The following AIF1L variants were observed in gnomAD, a reference collection of about 807,000 sequenced individuals.
AIF1L encodes the protein allograft inflammatory factor 1 like, also known as allograft inflammatory factor 1-like.
A neutral mutation model predicts 20.7 loss-of-function variants in AIF1L; 12 were observed. That is an observed-to-expected ratio of 0.58 (90% CI 0.37 to 0.94). The LOEUF (loss-of-function observed/expected upper bound fraction) is 0.94. Ranked by LOEUF, AIF1L falls within the 40% of genes least tolerant of loss-of-function variation. The pLI, the probability that AIF1L is intolerant of heterozygous loss-of-function variation, is 0.01. For synonymous variants in AIF1L, 76 were observed against 65.1 expected, an observed-to-expected ratio of 1.17 and a Z score of -0.81; for missense variants, 173 against 185.3, an observed-to-expected ratio of 0.93 and a Z score of 0.39.
At chr9:131,099,340 G>A (rs1284000772) in intron 2 of AIF1L, among the ~76,000 whole-genome samples, 1 of 152,228 alleles carries the variant, frequency 6.6e-6, no homozygotes, top group Non-Finnish European at 1.5e-5. Context: ...GGAAGTGGAT[G>A]GAAGCTCTTT....
At chr9:131,102,896 G>A (rs1270861425) in intron 2 of AIF1L, 1 of 456,194 alleles carries the variant, frequency 2.2e-6, no homozygotes, top group East Asian at 6.9e-5. Context: ...CTCCAAGATG[G>A]TGATATCCGC....
At chr9:131,111,894 G>A (rs955256820) in intron 3 of AIF1L, 11 of 556,024 alleles carry the variant, frequency 2.0e-5, no homozygotes, top group Admixed American at 9.5e-5. Context: ...CCTGCAGCCC[G>A]GTCCTGGCCC....
chr9:131,112,222 C>G (rs1050804584), intron 3 of AIF1L: 2 of 155,118 alleles, frequency 1.3e-5, no homozygotes, highest in Admixed American at 6.2e-5. Flanking sequence ...GCTTGGTTCC[C>G]AGCCAGCACC....
At chr9:131,117,166 G>A (rs1831033987) in intron 4 of AIF1L, among the ~76,000 whole-genome samples, 1 of 152,164 alleles carries the variant, frequency 6.6e-6, no homozygotes, top group African/African-American at 2.4e-5. Context: ...TGCTCTGTGG[G>A]ATATTTTTGG....
chr9:131,112,899 C>A (rs1440346451), intron 3 of AIF1L, among the ~76,000 whole-genome samples: 1 of 152,076 alleles, frequency 6.6e-6, no homozygotes, highest in African/African-American at 2.4e-5. Context: ...GCTCTGGCAC[C>A]CTTTCTACTT....
chr9:131,104,878 A>G (rs1218165898), intron 2 of AIF1L, among the ~76,000 whole-genome samples: 4 of 150,318 alleles, frequency 2.7e-5, no homozygotes, highest in Non-Finnish European at 4.4e-5. Context: ...AGCCTGGGCA[A>G]CAGAGCGAGA....
chr9:131,103,269 C>T (rs966263020), intron 2 of AIF1L, among the ~76,000 whole-genome samples: 5 of 152,172 alleles, frequency 3.3e-5, no homozygotes, highest in African/African-American at 4.8e-5. Flanking sequence ...CCAGGTCAGC[C>T]GGGGGCTGAG....
intron 2 of AIF1L, among the ~76,000 whole-genome samples, chr9:131,103,889 A>T (rs1195866307): frequency 6.6e-6 from 1 of 152,210 alleles, no homozygotes; most frequent in Non-Finnish European, 1.5e-5. Context: ...AGATGATGTG[A>T]CGTTTTCAAC....
chr9:131,096,960 C>A, intron 2 of AIF1L, 97 bp downstream of exon 2: 1 of 1,314,376 alleles, frequency 7.6e-7, no homozygotes, highest in Non-Finnish European at 1.0e-6. Context: ...TCCAGATCTA[C>A]CCTCTTCCTT....
At chr9:131,101,328 C>T (rs1830636275) in intron 2 of AIF1L, among the ~76,000 whole-genome samples, 1 of 152,044 alleles carries the variant, frequency 6.6e-6, no homozygotes, top group African/African-American at 2.4e-5. Context: ...TGCAGACAGC[C>T]CCATGGGATA....
At chr9:131,106,048 GCCTCAAGTGATCCTCCCTCCTCGGGCT>G in intron 2 of AIF1L, 4 of 914,450 alleles carry the variant, frequency 4.4e-6, no homozygotes, top group Non-Finnish European at 6.4e-6. Flanking sequence ...CAAACTTCTG[GCCTCAAGTGATCCTCCCTCCTCGGGCT>G]CCTCAACAGA....
rs1831153920 is a variant in AIF1L, at chr9:131,122,192, C to T, written c.*1870C>T. 1.3e-5 allele frequency: 2 copies of T among 152,500 alleles called. No homozygotes were observed. Among genetic ancestry groups the T allele is most frequent in the African/African-American group, 2.4e-5 (1 of 41,404 alleles). The allele number at this position is 152,500 out of a possible 1,614,324, so 9.4% of individuals were successfully genotyped here. ...CCTTAAGTGGACAGGACTGGGAGGTCTTGGTGGTTGGAGCCAACGTGGGTT... is the reference window on the plus strand; with the variant it reads ...CCTTAAGTGGACAGGACTGGGAGGTTTTGGTGGTTGGAGCCAACGTGGGTT... On this transcript the variant is annotated 3_prime_UTR_variant, in exon 6 of 6. Coordinates refer to ENST00000247291, the MANE Select transcript of AIF1L (RefSeq NM_031426.4).
chr9:131,118,478 GTGA>G (rs913035660), intron 5 of AIF1L, among the ~76,000 whole-genome samples: 26 of 151,874 alleles, frequency 1.7e-4, no homozygotes, highest in African/African-American at 6.0e-4. Flanking sequence ...AGTGGCAACT[GTGA>G]TGATGATGAT....
intron 3 of AIF1L, chr9:131,112,006 T>C (rs1830902056): frequency 3.4e-6 from 1 of 296,150 alleles, no homozygotes; most frequent in Admixed American, 4.7e-5. Context: ...ATCAGCTCTT[T>C]GTGAGCAAGC....
At chr9:131,112,878 C>T (rs1187806646) in intron 3 of AIF1L, among the ~76,000 whole-genome samples, 14 of 152,214 alleles carry the variant, frequency 9.2e-5, no homozygotes, top group South Asian at 4.1e-4. Context: ...GGAGGAGGCA[C>T]GGGTCTCAGG....
intron 2 of AIF1L, among the ~76,000 whole-genome samples, chr9:131,099,524 G>T (rs997766154): frequency 6.6e-6 from 1 of 152,202 alleles, no homozygotes; most frequent in Non-Finnish European, 1.5e-5. Flanking sequence ...GATTCTGGGG[G>T]CCTGGGCTAA....
intron 4 of AIF1L, among the ~76,000 whole-genome samples, chr9:131,117,435 A>G (rs1831040156): frequency 6.6e-6 from 1 of 152,110 alleles, no homozygotes; most frequent in Non-Finnish European, 1.5e-5. Context: ...GAGATCCCTG[A>G]ATGATCCCAT....
chr9:131,110,890 G>A (rs1016572696), intron 2 of AIF1L, among the ~76,000 whole-genome samples: 5 of 151,910 alleles, frequency 3.3e-5, no homozygotes, highest in East Asian at 1.9e-4. Context: ...GGCCGGGCGC[G>A]GTGGCTCACA....
At chr9:131,105,993 A>G (rs11793674) in intron 2 of AIF1L, among the ~76,000 whole-genome samples, 3 of 151,892 alleles carry the variant, frequency 2.0e-5, no homozygotes, top group Admixed American at 6.6e-5. Flanking sequence ...TAATTTTTTA[A>G]TTTTTTGTAG....
Sources: allele counts gnomAD v4.1 joint callset (sites outside exome capture counted in the v4.1 genomes callset), GRCh38; gene constraint gnomAD v4.1.1; transcripts MANE v1.5; gene names NCBI Gene and HGNC (gene_info 2026-07-23, HGNC 2026-07-21).